ARF3: variants seen among roughly 807,000 people sequenced by gnomAD.
The protein encoded by ARF3 is ADP-ribosylation factor 3.
ARF3 carries 5 observed loss-of-function variants against 19.3 expected under a neutral mutation model. The observed-to-expected ratio is 0.26, with a 90% CI of 0.14 to 0.54. The LOEUF is 0.54. Among genes scored for constraint, ARF3 ranks in the 20% least tolerant of loss-of-function variants. The probability of loss-of-function intolerance (pLI) is 0.95; values close to 1 mark genes in which losing one functional copy is unlikely to be tolerated. For synonymous variants in ARF3, 71 were observed against 89.2 expected, an observed-to-expected ratio of 0.80 and a Z score of 1.15; for missense variants, 77 against 234.2, an observed-to-expected ratio of 0.33 and a Z score of 4.38.
intron 1 of ARF3, among the ~76,000 whole-genome samples, chr12:48,948,477 A>T (rs944865472): frequency 6.6e-6 from 1 of 152,040 alleles, no homozygotes; most frequent in Non-Finnish European, 1.5e-5. Context: ...GTTGGTCTCG[A>T]ACTTCTGACT....
Position 48,941,127 on chromosome 12 carries a change from G to A in ARF3, c.-32C>T, listed in dbSNP as rs774291949. On this transcript the variant is annotated 5_prime_UTR_variant, in exon 2 of 5. Coordinates refer to ENST00000256682, the MANE Select transcript of ARF3 (RefSeq NM_001659.3). ...AGCAGCTGCTTTCTGGGGACAGTGG[G>A]GCCCAAGTAGGGGCAGTGGCAGTCT... The A allele has an allele frequency of 3.1e-6, 5 of 1,595,226 alleles. No individual in the cohort carries two copies. The highest frequency in any genetic ancestry group is 3.4e-6 in the Non-Finnish European group (4 of 1,169,012).
At chr12:48,950,830 G>T (rs1248616429) in intron 1 of ARF3, among the ~76,000 whole-genome samples, 6 of 151,694 alleles carry the variant, frequency 4.0e-5, no homozygotes, top group African/African-American at 1.5e-4. Flanking sequence ...TTGTTGCCCA[G>T]GCTAGAGTGC....
chr12:48,951,661 C>T (rs1222831126), intron 1 of ARF3, among the ~76,000 whole-genome samples: 1 of 152,190 alleles, frequency 6.6e-6, no homozygotes, highest in Middle Eastern at 3.4e-3. Context: ...GGGCGGGTCA[C>T]CTGAGATCGG....
In ARF3 at chr12:48,957,364, C is replaced by T. The variant is rs1213844897; in HGVS notation, c.-148G>A. The T allele has an allele frequency of 6.4e-6, 1 of 155,200 alleles. No homozygotes were observed. Among genetic ancestry groups the T allele is most frequent in the Non-Finnish European group, 1.4e-5 (1 of 70,298 alleles). 9.6% of individuals were successfully genotyped at this position (155,200 alleles called of 1,614,324 possible). On this transcript the variant is annotated 5_prime_UTR_variant, in exon 1 of 5. Transcript: ENST00000256682. ...GCCGCCGCCTCTGCCCCGCAGGTTC[C>T]GCTCCGCTCCCTCTGGCTCCCCAAG...
chr12:48,942,344 G>A (rs947179345), intron 1 of ARF3, among the ~76,000 whole-genome samples: 3 of 151,588 alleles, frequency 2.0e-5, no homozygotes, highest in Non-Finnish European at 2.9e-5. Context: ...GCCTCCCAGG[G>A]CACTGGGATT....
chr12:48,948,334 T>C (rs1390762281), intron 1 of ARF3, among the ~76,000 whole-genome samples: 1 of 151,102 alleles, frequency 6.6e-6, no homozygotes, highest in Non-Finnish European at 1.5e-5. Flanking sequence ...AGCATCCAAA[T>C]CCTGGGCTCA....
At position 48,941,137 on chromosome 12, in the gene ARF3, G is replaced by A; in HGVS notation, c.-42C>T. ...TTCTGGGGACAGTGGGGCCCAAGTA[G>A]GGGCAGTGGCAGTCTGGTTTTGGCC... On this transcript the variant is annotated 5_prime_UTR_variant, in exon 2 of 5. Transcript: ENST00000256682. 1.9e-6 allele frequency: 3 copies of A among 1,584,996 alleles called. No individual in the cohort carries two copies. Among genetic ancestry groups the A allele is most frequent in the Non-Finnish European group, 2.6e-6 (3 of 1,163,694 alleles).
chr12:48,954,586 TAAAG>T (rs942382093), intron 1 of ARF3, among the ~76,000 whole-genome samples: 3 of 152,108 alleles, frequency 2.0e-5, no homozygotes, highest in East Asian at 1.9e-4. Context: ...ATGAAGAAAA[TAAAG>T]AGAGAAGACA....
Position 48,940,064 on chromosome 12 carries a change from T to C in ARF3, c.192A>G (p.Thr64=), listed in dbSNP as rs141853449. The change falls in exon 3 of 5, where the codon ACA becomes ACG. Residue 64 remains threonine (T), a synonymous_variant. Transcript: ENST00000256682. The part of the protein sequence containing the change: ...ETVEYKNISF[T]VWDVGGQDKI... Reference sequence around the variant, plus strand: ...TGTCCTGGCCACCCACATCCCACACTGTAAAGCTGATGTTCTTATACTCCA... The same window carrying C: ...TGTCCTGGCCACCCACATCCCACACCGTAAAGCTGATGTTCTTATACTCCA... 265 of 1,614,134 alleles carry C rather than the reference T, an allele frequency of 1.6e-4. 1 individual carries two copies. In the African/African-American group the frequency reaches 2.5e-3, roughly 15 times the overall value.
chr12:48,940,899 C>T, intron 2 of ARF3, 49 bp downstream of exon 2: 1 of 1,516,232 alleles, frequency 6.6e-7, no homozygotes, highest in Admixed American at 2.0e-5. Flanking sequence ...AGGTCCCTGC[C>T]CTGCCTCAGC....
At chr12:48,948,042 C>CAAAA (rs768612497) in intron 1 of ARF3, among the ~76,000 whole-genome samples, 3 of 73,208 alleles carry the variant, frequency 4.1e-5, no homozygotes, top group Non-Finnish European at 8.3e-5. Flanking sequence ...CCCATCGCTA[C>CAAAA]AAAAAAAAAA....
intron 1 of ARF3, among the ~76,000 whole-genome samples, chr12:48,945,723 A>G (rs1030186545): frequency 3.9e-5 from 6 of 152,168 alleles, no homozygotes; most frequent in Admixed American, 6.5e-5. Context: ...TCCATCTCAA[A>G]AAATAAATAT....
At chr12:48,942,258 T>G (rs1940272319) in intron 1 of ARF3, among the ~76,000 whole-genome samples, 1 of 151,770 alleles carries the variant, frequency 6.6e-6, no homozygotes, top group Admixed American at 6.6e-5. Context: ...TTTTTTTTTT[T>G]TTTAAAGAGG....
rs992859340 is a variant in ARF3, at chr12:48,938,649, C to T, written c.*298G>A. 11 of 434,872 alleles carry T rather than the reference C, an allele frequency of 2.5e-5. No homozygotes were observed. The highest frequency in any genetic ancestry group is 2.0e-4 in the African/African-American group (10 of 49,336). 26.9% of individuals were successfully genotyped at this position (434,872 alleles called of 1,614,324 possible). A position where few individuals can be genotyped will look rare whatever the true frequency, so the allele number is the denominator to read the frequency against. On this transcript the variant is annotated 3_prime_UTR_variant, in exon 5 of 5. Coordinates refer to ENST00000256682, the MANE Select transcript of ARF3 (RefSeq NM_001659.3). ...CAAACAAAGAGAATACCCCACTCGA[C>T]CTCCCGAAACCCAGAGGGTGAGAGA... is the stretch of plus-strand genomic sequence containing the variant.
At chr12:48,950,283 C>T (rs1940442464) in intron 1 of ARF3, among the ~76,000 whole-genome samples, 1 of 151,380 alleles carries the variant, frequency 6.6e-6, no homozygotes, top group Non-Finnish European at 1.5e-5. Context: ...GCAGCCTCCA[C>T]CTCCCAGGCT....
At chr12:48,943,908 C>T (rs1940310478) in intron 1 of ARF3, among the ~76,000 whole-genome samples, 1 of 152,186 alleles carries the variant, frequency 6.6e-6, no homozygotes, top group South Asian at 2.1e-4. Context: ...AGCCTTCCTC[C>T]CTACTCTTCC....
intron 1 of ARF3, among the ~76,000 whole-genome samples, chr12:48,953,681 T>C (rs951980700): frequency 6.6e-6 from 1 of 152,198 alleles, no homozygotes; most frequent in Non-Finnish European, 1.5e-5. Flanking sequence ...CTGGTCCACA[T>C]GGTGTGGCAG....
In ARF3 at chr12:48,950,395, C is replaced by T. The variant is rs1012538258; in HGVS notation, c.-94+6915G>A. On this transcript the variant is annotated intron_variant, in intron 1 of 4. Transcript: ENST00000256682. ...TTAACTGAAGTTTCGCCATGTTGCC[C>T]AGGCTAGTCTCAAACTCCTGGGCTC... is the stretch of plus-strand genomic sequence containing the variant. 3.9e-5 allele frequency among the ~76,000 whole-genome samples: 6 copies of T among 152,290 alleles called. No homozygotes were observed. In the South Asian group the frequency reaches 1.2e-3, roughly 32 times the overall value.
rs969050247 is a variant in ARF3, at chr12:48,937,320, T to C, written c.*1627A>G. The C allele has an allele frequency of 1.3e-5, 2 of 152,270 alleles. No homozygotes were observed. Among genetic ancestry groups the C allele is most frequent in the African/African-American group, 4.8e-5 (2 of 41,442 alleles). 9.4% of individuals were successfully genotyped at this position (152,270 alleles called of 1,614,324 possible). The stretch of plus-strand genomic sequence containing the variant: ...CCTGGGCCCTGACCTTAGCAGGTTA[T>C]GGGCAGCTGTCTCGGAGCTCAGGGC... On this transcript the variant is annotated 3_prime_UTR_variant, in exon 5 of 5. Coordinates refer to ENST00000256682, the MANE Select transcript of ARF3 (RefSeq NM_001659.3).
Sources: gnomAD v4.1 joint callset for allele counts (sites outside exome capture counted in the v4.1 genomes callset) on GRCh38, gnomAD v4.1.1 for gene constraint, MANE v1.5 for transcripts, NCBI Gene and HGNC (gene_info 2026-07-23, HGNC 2026-07-21) for gene names.